GRID1: variants seen among roughly 807,000 people sequenced by gnomAD.
GRID1 encodes glutamate ionotropic receptor delta type subunit 1.
Under a neutral mutation model 98.0 loss-of-function variants are expected in GRID1, and 28 were observed. The observed-to-expected ratio is 0.29, with a 90% CI of 0.21 to 0.39. The LOEUF is 0.39. GRID1 is among the 10% of genes least tolerant of loss of function. The pLI, the probability that GRID1 is intolerant of heterozygous loss-of-function variation, is 1.00. For missense variants in GRID1, 1,111 were observed against 1,340.5 expected (o/e 0.83, Z 2.67); for synonymous variants, 553 against 538.5 (o/e 1.03, Z -0.37).
At chr10:86,284,646 T>C (rs1356589876) in intron 2 of GRID1, among the ~76,000 whole-genome samples, 2 of 152,190 alleles carry the variant, frequency 1.3e-5, no homozygotes, top group East Asian at 3.9e-4. Flanking sequence ...AAGCAGCGAA[T>C]GTGGGCCTGC....
intron 8 of GRID1, among the ~76,000 whole-genome samples, chr10:85,762,395 A>C (rs966097064): frequency 1.3e-5 from 2 of 152,232 alleles, no homozygotes; most frequent in African/African-American, 4.8e-5. Context: ...TGAACATTTT[A>C]ATATATTCTT....
intron 5 of GRID1, among the ~76,000 whole-genome samples, chr10:85,876,625 G>A (rs1589283757): frequency 6.6e-6 from 1 of 152,172 alleles, no homozygotes; most frequent in East Asian, 1.9e-4. Context: ...TTTTGGGGTG[G>A]AGCCAAGATG....
At chr10:85,731,502 T>C (rs976930440) in intron 8 of GRID1, among the ~76,000 whole-genome samples, 1 of 151,200 alleles carries the variant, frequency 6.6e-6, no homozygotes, top group Admixed American at 6.6e-5. Flanking sequence ...TATTTCTCCA[T>C]TGGACCTTAA....
At chr10:85,779,031 C>T (rs533502546) in intron 8 of GRID1, among the ~76,000 whole-genome samples, 2 of 152,192 alleles carry the variant, frequency 1.3e-5, no homozygotes, top group East Asian at 1.9e-4. Context: ...AAAAACAGTT[C>T]TGGAAATGAT....
chr10:85,914,814 G>T (rs1221368700), intron 5 of GRID1, among the ~76,000 whole-genome samples: 4 of 152,186 alleles, frequency 2.6e-5, no homozygotes, highest in Non-Finnish European at 4.4e-5. Context: ...AAATTGATCA[G>T]TAATTTAGGA....
At chr10:86,234,171 G>A (rs1250281674) in intron 2 of GRID1, among the ~76,000 whole-genome samples, 1 of 152,100 alleles carries the variant, frequency 6.6e-6, no homozygotes, top group Non-Finnish European at 1.5e-5. Context: ...ACCTTAGCTG[G>A]CCCGGCAGAA....
intron 3 of GRID1, among the ~76,000 whole-genome samples, chr10:86,174,046 T>C (rs1845535450): frequency 6.6e-6 from 1 of 152,204 alleles, no homozygotes; most frequent in Non-Finnish European, 1.5e-5. Context: ...TACGTGTGCA[T>C]GTGTCTTTAT....
At chr10:86,094,807 C>T (rs989500170) in intron 4 of GRID1, among the ~76,000 whole-genome samples, 4 of 151,366 alleles carry the variant, frequency 2.6e-5, no homozygotes, top group African/African-American at 7.3e-5. Flanking sequence ...ATCAGAATAC[C>T]GCCATCGTTC....
chr10:86,267,931 G>A (rs1243828761), intron 2 of GRID1, among the ~76,000 whole-genome samples: 1 of 152,250 alleles, frequency 6.6e-6, no homozygotes, highest in Non-Finnish European at 1.5e-5. Context: ...CAAACTGGGG[G>A]TTCAGACACT....
intron 2 of GRID1, among the ~76,000 whole-genome samples, chr10:86,261,024 G>A (rs187842029): frequency 6.6e-6 from 1 of 152,358 alleles, no homozygotes; most frequent in East Asian, 1.9e-4. Flanking sequence ...GGTGTGGGCT[G>A]CAAAGCCCGG....
At chr10:86,140,572 G>A (rs770950720) in intron 3 of GRID1, among the ~76,000 whole-genome samples, 38 of 152,208 alleles carry the variant, frequency 2.5e-4, no homozygotes, top group Non-Finnish European at 5.0e-4. Context: ...AGCAGCGCGA[G>A]GGAGAAGAGC....
chr10:85,599,997 C>T lies in GRID1; in HGVS notation c.*2276G>A, dbSNP rs2132495605. ...CCATCTCCCTCTCTTTCCTCCTTGA[C>T]ACTCATTCTAAGCAGAACCATCCAA... is the stretch of plus-strand genomic sequence containing the variant. On this transcript the variant is annotated 3_prime_UTR_variant, in exon 16 of 16. Transcript: ENST00000327946. The T allele has an allele frequency of 6.6e-6, 1 of 151,180 alleles. No homozygotes were observed. The highest frequency in any genetic ancestry group is 2.4e-5 in the African/African-American group (1 of 40,858). The allele number at this position is 151,180 out of a possible 1,614,324, so 9.4% of individuals were successfully genotyped here.
chr10:86,366,275 C>A lies in GRID1; in HGVS notation c.79+39G>T, dbSNP rs747791383. On this transcript the variant is annotated intron_variant, in intron 1 of 15. Transcript: ENST00000327946. The surrounding 1 kb of genome is among the most constrained non-coding windows in gnomAD (Gnocchi z 4.1). The stretch of plus-strand genomic sequence containing the variant: ...CCGCGCACCCCCTGCCCCGTTGGGG[C>A]CCCCGCCCAGCCTCGGCCCGGCCTC... 1 of 1,424,532 alleles carries A rather than the reference C, an allele frequency of 7.0e-7. No homozygotes were observed. Among genetic ancestry groups the A allele is most frequent in the Non-Finnish European group, 9.4e-7 (1 of 1,066,276 alleles). 88.2% of individuals were successfully genotyped at this position (1,424,532 alleles called of 1,614,324 possible). A position where few individuals can be genotyped will look rare whatever the true frequency, so the allele number is the denominator to read the frequency against.
intron 3 of GRID1, among the ~76,000 whole-genome samples, chr10:86,158,823 A>T (rs548033979): frequency 1.3e-5 from 2 of 152,224 alleles, no homozygotes; most frequent in African/African-American, 4.8e-5. Context: ...ATCAACTGAG[A>T]TCGGCTGTAA....
intron 8 of GRID1, among the ~76,000 whole-genome samples, chr10:85,749,903 G>A (rs1842030375): frequency 6.6e-6 from 1 of 152,104 alleles, no homozygotes; most frequent in Non-Finnish European, 1.5e-5. Context: ...TATTCCTATT[G>A]TAGTTTTCAA....
At chr10:86,298,319 T>C (rs923691299) in intron 2 of GRID1, among the ~76,000 whole-genome samples, 3 of 152,208 alleles carry the variant, frequency 2.0e-5, no homozygotes, top group South Asian at 4.1e-4. Flanking sequence ...AATATGTCTA[T>C]GGACCAAGGA....
intron 2 of GRID1, among the ~76,000 whole-genome samples, chr10:86,363,067 A>G (rs889785028): frequency 3.9e-5 from 6 of 152,262 alleles, no homozygotes; most frequent in African/African-American, 1.4e-4. Context: ...TTAGGCCTTA[A>G]CCAGGAATCT....
At position 85,665,689 on chromosome 10, in the gene GRID1, T is replaced by C. The variant is rs147795398; in HGVS notation, c.1998-18292A>G. On this transcript the variant is annotated intron_variant, in intron 12 of 15. Coordinates refer to ENST00000327946, the MANE Select transcript of GRID1 (RefSeq NM_017551.3). The stretch of plus-strand genomic sequence containing the variant: ...ATAAAGGAGTATTGATTGCAAAGAT[T>C]AATAACAGAGCTTAAGAAGGAAAAT... 5.0e-4 allele frequency among the ~76,000 whole-genome samples: 76 copies of C among 152,280 alleles called. 2 individuals are homozygous for C. The highest frequency in any genetic ancestry group is 2.0e-3 in the Admixed American group (30 of 15,290).
intron 5 of GRID1, among the ~76,000 whole-genome samples, chr10:85,877,265 C>T (rs539852923): frequency 1.3e-5 from 2 of 152,348 alleles, no homozygotes; most frequent in African/African-American, 4.8e-5. Flanking sequence ...GTGGTTCTCC[C>T]AGCACACAGC....
Sources: allele counts gnomAD v4.1 joint callset (sites outside exome capture counted in the v4.1 genomes callset), GRCh38; gene constraint gnomAD v4.1.1; non-coding constraint Gnocchi (gnomAD v3.1); transcripts MANE v1.5; gene names NCBI Gene and HGNC (gene_info 2026-07-23, HGNC 2026-07-21).